Variants in GRAMD2B observed in about 807,000 individuals in gnomAD.
The protein encoded by GRAMD2B is GRAM domain containing 2B.
In GRAMD2B, 41 loss-of-function variants were observed where a neutral mutation model predicts 59.2. The ratio of observed to expected loss-of-function variants is 0.69; its 90% CI spans 0.54 to 0.90. The LOEUF is 0.90. GRAMD2B is among the 40% of genes least tolerant of loss of function. The probability of loss-of-function intolerance (pLI) is 0.00; values close to 1 mark genes in which losing one functional copy is unlikely to be tolerated. For missense variants in GRAMD2B, 424 were observed against 500.5 expected, an observed-to-expected ratio of 0.85 and a Z score of 1.46; for synonymous variants, 161 against 182.7, an observed-to-expected ratio of 0.88 and a Z score of 0.96.
chr5:126,439,748 T>C (rs7721672), intron 1 of GRAMD2B, among the ~76,000 whole-genome samples: 34,819 of 152,132 alleles, frequency 0.23, 8,804 homozygotes, highest in African/African-American at 0.63. Context: ...GAGTCCCCAC[T>C]CAAATCTCAT....
At chr5:126,447,487 C>A (rs913600576) in intron 1 of GRAMD2B, among the ~76,000 whole-genome samples, 1 of 151,974 alleles carries the variant, frequency 6.6e-6, no homozygotes, top group Non-Finnish European at 1.5e-5. Context: ...ACGGTGAAAC[C>A]CCGTCTCTAC....
At chr5:126,403,416 C>T (rs1757994866) in intron 1 of GRAMD2B, among the ~76,000 whole-genome samples, 1 of 151,978 alleles carries the variant, frequency 6.6e-6, no homozygotes, top group Non-Finnish European at 1.5e-5. Context: ...CCATGTGGAA[C>T]ACAATGCACT....
chr5:126,444,207 A>G (rs1026048222), intron 1 of GRAMD2B, among the ~76,000 whole-genome samples: 2 of 152,204 alleles, frequency 1.3e-5, no homozygotes, highest in African/African-American at 2.4e-5. Flanking sequence ...AAGAGAATTT[A>G]TGGAATTTAA....
At chr5:126,461,325 T>C (rs964775356) in intron 1 of GRAMD2B, among the ~76,000 whole-genome samples, 2 of 152,080 alleles carry the variant, frequency 1.3e-5, no homozygotes, top group Non-Finnish European at 2.9e-5. Flanking sequence ...CACATAAGAG[T>C]TCTAATTCTG....
intron 1 of GRAMD2B, among the ~76,000 whole-genome samples, chr5:126,439,540 G>T (rs544094173): frequency 1.3e-5 from 2 of 152,062 alleles, no homozygotes; most frequent in East Asian, 1.9e-4. Context: ...TCACCAGGCT[G>T]ATCTTGAACT....
chr5:126,490,867 T>A (rs1355607065), intron 13 of GRAMD2B, among the ~76,000 whole-genome samples: 1 of 152,244 alleles, frequency 6.6e-6, no homozygotes, highest in African/African-American at 2.4e-5. Flanking sequence ...TCAGTCATCC[T>A]CATTGGAAAT....
intron 4 of GRAMD2B, 87 bp downstream of exon 4, chr5:126,472,391 G>A: frequency 1.0e-6 from 1 of 988,500 alleles, no homozygotes; most frequent in Non-Finnish European, 1.6e-6. Context: ...ATAGTCCATG[G>A]ACTGAGTCAC....
intron 1 of GRAMD2B, among the ~76,000 whole-genome samples, chr5:126,456,187 C>T (rs1766244550): frequency 6.6e-6 from 1 of 152,066 alleles, no homozygotes; most frequent in South Asian, 2.1e-4. Context: ...CCTCTCCCAT[C>T]CCCTATCTGC....
intron 1 of GRAMD2B, among the ~76,000 whole-genome samples, chr5:126,388,667 A>G (rs1756414555): frequency 6.6e-6 from 1 of 151,326 alleles, no homozygotes; most frequent in African/African-American, 2.4e-5. Flanking sequence ...AAGCCATGTA[A>G]TTCAGCACAC....
At chr5:126,428,280 A>C (rs1760954719) in intron 1 of GRAMD2B, among the ~76,000 whole-genome samples, 1 of 152,178 alleles carries the variant, frequency 6.6e-6, no homozygotes, top group South Asian at 2.1e-4. Flanking sequence ...AACATGTTTT[A>C]ACATATATTC....
rs1366976806 is a variant in GRAMD2B at position 126,384,825 on chromosome 5, T to C, written c.125+13258T>C. Among the ~76,000 whole-genome samples the C allele has an allele frequency of 2.6e-5, 4 of 152,250 alleles. No individual in the cohort carries two copies. The East Asian group carries it at 7.7e-4, about 29-fold the overall frequency. On this transcript the variant is annotated intron_variant, in intron 1 of 8. Transcript: ENST00000506445. ...AAAACTGGGCCAGGTATCACTGCCT[T>C]CAGAAAGCCTGCCCTGGCACCAATC...
intron 1 of GRAMD2B, among the ~76,000 whole-genome samples, chr5:126,400,432 T>TACAA (rs1757723567): frequency 6.6e-6 from 1 of 152,170 alleles, no homozygotes; most frequent in African/African-American, 2.4e-5. Context: ...ATTATAGCTG[T>TACAA]AGTTATTTTT....
chr5:126,468,990 C>T (rs1311648168), intron 2 of GRAMD2B, among the ~76,000 whole-genome samples: 2 of 152,266 alleles, frequency 1.3e-5, no homozygotes, highest in East Asian at 1.9e-4. Flanking sequence ...TCAATTAATA[C>T]TTGTTATATA....
At chr5:126,414,340 T>C (rs1181045837) in intron 1 of GRAMD2B, among the ~76,000 whole-genome samples, 1 of 152,212 alleles carries the variant, frequency 6.6e-6, no homozygotes, top group Non-Finnish European at 1.5e-5. Flanking sequence ...TATTTGTTGA[T>C]ATGGAATAAA....
At position 126,411,249 on chromosome 5, in the gene GRAMD2B, A is replaced by C. The variant is rs113280826; in HGVS notation, c.125+39682A>C. The stretch of plus-strand genomic sequence containing the variant: ...TTACAGTCTGAGGTCTTACATTAAA[A>C]TCTTTTATCCATCTTGAGTTAATTT... On this transcript the variant is annotated intron_variant, in intron 1 of 8. Transcript: ENST00000506445. 1.0e-2 allele frequency among the ~76,000 whole-genome samples: 1,519 copies of C among 152,120 alleles called. 40 individuals carry two copies. The highest frequency in any genetic ancestry group is 0.035 in the African/African-American group (1,463 of 41,548).
At chr5:126,418,937 T>A (rs543249393), upstream of GRAMD2B, among the ~76,000 whole-genome samples, 1 of 152,332 alleles carries the variant, frequency 6.6e-6, no homozygotes, top group African/African-American at 2.4e-5. Flanking sequence ...TCATGCATAG[T>A]TAAGTTATCA....
chr5:126,399,624 A>C (rs941864782), intron 1 of GRAMD2B, among the ~76,000 whole-genome samples: 1 of 152,180 alleles, frequency 6.6e-6, no homozygotes, highest in Non-Finnish European at 1.5e-5. Flanking sequence ...TTTTGTTTAT[A>C]AATTATCCAG....
intron 1 of GRAMD2B, among the ~76,000 whole-genome samples, chr5:126,434,807 G>A (rs112065064): frequency 0.073 from 11,152 of 152,184 alleles, 847 homozygotes; most frequent in African/African-American, 0.19. Flanking sequence ...ATGAGCCACC[G>A]TGCCCAGCCG....
chr5:126,457,562 C>T (rs542711469), intron 1 of GRAMD2B, among the ~76,000 whole-genome samples: 12 of 151,228 alleles, frequency 7.9e-5, no homozygotes, highest in South Asian at 2.1e-4. Flanking sequence ...ACCTGGGAGG[C>T]GGAGGTTGCA....
Sources: allele counts gnomAD v4.1 joint callset (sites outside exome capture counted in the v4.1 genomes callset), GRCh38; gene constraint gnomAD v4.1.1; transcripts MANE v1.5; gene names NCBI Gene and HGNC (gene_info 2026-07-23, HGNC 2026-07-21).